Variants in ASXL3 observed in about 807,000 individuals in gnomAD.
ASXL3 encodes the protein ASXL transcriptional regulator 3, also known as putative Polycomb group protein ASXL3.
Under a neutral mutation model 170.6 loss-of-function variants are expected in ASXL3, and 34 were observed. The observed-to-expected ratio is 0.20, with a 90% CI of 0.15 to 0.27. The LOEUF is 0.27. Ranked by LOEUF, ASXL3 falls within the 10% of genes least tolerant of loss-of-function variation. ASXL3 has a pLI of 1.00. For synonymous variants in ASXL3, 1,002 were observed against 989.1 expected (o/e 1.01, Z -0.24); for missense variants, 2,592 against 2,695.3 (o/e 0.96, Z 0.85).
Position 33,607,618 on chromosome 18 carries a change from C to T in ASXL3, c.79C>T (p.Pro27Ser). The change falls in exon 2 of 12, where the codon CCA becomes TCA. Residue 27 changes from proline (P) to serine (S), a missense_variant. This residue lies in a region of ASXL3 where 251 missense variants were observed against 281.9 expected (regional missense o/e 0.89). Coordinates refer to ENST00000269197, the MANE Select transcript of ASXL3 (RefSeq NM_030632.3). ...GGCACTAGAAAAACACCCCAACTCA[C>T]CAATGACAGCAAAGCAGATATTGGA... ...RLALEKHPNS[P>S]MTAKQILEVI... 1.3e-6 allele frequency: 2 copies of T among 1,590,174 alleles called. No homozygotes were observed. Among genetic ancestry groups the T allele is most frequent in the Non-Finnish European group, 1.7e-6 (2 of 1,167,444 alleles).
intron 8 of ASXL3, among the ~76,000 whole-genome samples, chr18:33,715,763 AG>A: frequency 6.6e-6 from 1 of 152,166 alleles, no homozygotes. Flanking sequence ...TTAAAAATTG[AG>A]GGGGTACATA....
At chr18:33,583,278 G>A (rs1759520923) in intron 1 of ASXL3, among the ~76,000 whole-genome samples, 1 of 152,124 alleles carries the variant, frequency 6.6e-6, no homozygotes, top group African/African-American at 2.4e-5. Context: ...GAATTTTGAC[G>A]TGTGATTTGG....
chr18:33,721,273 G>GT (rs1250104909), intron 8 of ASXL3, among the ~76,000 whole-genome samples: 3 of 151,924 alleles, frequency 2.0e-5, no homozygotes, highest in African/African-American at 7.3e-5. Flanking sequence ...GATAGTTCTC[G>GT]TTCTCTTGAT....
intron 5 of ASXL3, 97 bp downstream of exon 5, chr18:33,661,834 A>G: frequency 7.6e-7 from 1 of 1,320,064 alleles, no homozygotes; most frequent in Non-Finnish European, 1.0e-6. Flanking sequence ...AGCAATCAGA[A>G]AGCAGAATCT....
In ASXL3 at chr18:33,601,319, C is replaced by T. The variant is rs139762424; in HGVS notation, c.55-6275C>T. ...AGCTACTATTTATTAACACTCATTG[C>T]TGTAGGCAGTCATTTGGCTCATTGG... On this transcript the variant is annotated intron_variant, in intron 1 of 11. Transcript: ENST00000269197. 3.8e-3 allele frequency among the ~76,000 whole-genome samples: 578 copies of T among 151,778 alleles called. 6 individuals are homozygous for T. Among genetic ancestry groups the T allele is most frequent in the African/African-American group, 0.012 (510 of 41,376 alleles).
At chr18:33,678,083 T>TATTC (rs1031916028) in intron 7 of ASXL3, among the ~76,000 whole-genome samples, 4 of 140,190 alleles carry the variant, frequency 2.9e-5, no homozygotes. Flanking sequence ...ATTTATTATT[T>TATTC]ATTTATTTAT....
intron 1 of ASXL3, among the ~76,000 whole-genome samples, chr18:33,581,114 T>C (rs985945270): frequency 3.7e-4 from 57 of 152,284 alleles, no homozygotes; most frequent in African/African-American, 1.3e-3. Context: ...ACATATGGAC[T>C]TGAATTCTCT....
chr18:33,683,998 C>T (rs2066553700), intron 8 of ASXL3, among the ~76,000 whole-genome samples: 1 of 152,108 alleles, frequency 6.6e-6, no homozygotes, highest in Non-Finnish European at 1.5e-5. Flanking sequence ...CAATTGCTCT[C>T]TGAGAGTCTA....
At chr18:33,676,591 T>C (rs2066434410) in intron 7 of ASXL3, among the ~76,000 whole-genome samples, 1 of 152,188 alleles carries the variant, frequency 6.6e-6, no homozygotes, top group Non-Finnish European at 1.5e-5. Flanking sequence ...ATAAAACAAA[T>C]GCTAACAATG....
intron 8 of ASXL3, among the ~76,000 whole-genome samples, chr18:33,715,990 A>G (rs1030467779): frequency 6.6e-6 from 1 of 152,282 alleles, no homozygotes; most frequent in African/African-American, 2.4e-5. Context: ...CATTGGTTTG[A>G]GTGTCAGTCA....
intron 8 of ASXL3, among the ~76,000 whole-genome samples, chr18:33,721,471 GTA>G (rs1011733437): frequency 1.3e-5 from 2 of 152,016 alleles, no homozygotes; most frequent in Admixed American, 6.6e-5. Context: ...AAGTACATGT[GTA>G]TATATGTTTA....
chr18:33,733,320 T>A (rs929932315), intron 9 of ASXL3, among the ~76,000 whole-genome samples: 1 of 152,168 alleles, frequency 6.6e-6, no homozygotes, highest in Admixed American at 6.5e-5. Flanking sequence ...CTCTTCCCTC[T>A]CAACTCCTTC....
chr18:33,588,021 A>T (rs780553249), intron 1 of ASXL3, among the ~76,000 whole-genome samples: 2 of 151,938 alleles, frequency 1.3e-5, no homozygotes, highest in Non-Finnish European at 2.9e-5. Context: ...GTCTGTCTTA[A>T]TGTTTATGGG....
At chr18:33,686,416 G>C (rs980344956) in intron 8 of ASXL3, among the ~76,000 whole-genome samples, 1 of 152,190 alleles carries the variant, frequency 6.6e-6, no homozygotes, top group African/African-American at 2.4e-5. Flanking sequence ...TGTCATAATA[G>C]AAGTATGAAG....
intron 1 of ASXL3, among the ~76,000 whole-genome samples, chr18:33,590,449 C>T (rs2065068707): frequency 6.6e-6 from 1 of 151,992 alleles, no homozygotes; most frequent in African/African-American, 2.4e-5. Flanking sequence ...AAAAAAGCAC[C>T]AATAAAAGGC....
intron 8 of ASXL3, among the ~76,000 whole-genome samples, chr18:33,683,875 C>T (rs1170563685): frequency 6.6e-6 from 1 of 152,128 alleles, no homozygotes; most frequent in Admixed American, 6.5e-5. Flanking sequence ...GTAGCTGCTC[C>T]TTTGCCCAGA....
At chr18:33,688,949 G>A (rs920444461) in intron 8 of ASXL3, among the ~76,000 whole-genome samples, 1 of 152,002 alleles carries the variant, frequency 6.6e-6, no homozygotes, top group Non-Finnish European at 1.5e-5. Flanking sequence ...AGATGATCCA[G>A]TGTCACTTTC....
At chr18:33,694,588 TAA>T (rs1399188179) in intron 8 of ASXL3, among the ~76,000 whole-genome samples, 1 of 152,118 alleles carries the variant, frequency 6.6e-6, no homozygotes, top group African/African-American at 2.4e-5. Context: ...CAACTGCTTC[TAA>T]ATAAGTTGTG....
At chr18:33,731,672 C>A (rs1404578409) in intron 8 of ASXL3, among the ~76,000 whole-genome samples, 1 of 152,150 alleles carries the variant, frequency 6.6e-6, no homozygotes, top group Non-Finnish European at 1.5e-5. Context: ...AAGGAGAACA[C>A]TAATTATTTC....
Sources: gnomAD v4.1 joint callset for allele counts (sites outside exome capture counted in the v4.1 genomes callset) on GRCh38, gnomAD v4.1.1 for gene constraint, gnomAD v4.1.1 regional missense constraint, MANE v1.5 for transcripts, NCBI Gene and HGNC (gene_info 2026-07-23, HGNC 2026-07-21) for gene names.